LRP12: variants seen among roughly 807,000 people sequenced by gnomAD.
LRP12 encodes the protein low-density lipoprotein receptor-related protein 12.
A neutral mutation model predicts 66.0 loss-of-function variants in LRP12; 14 were observed. The ratio of observed to expected loss-of-function variants is 0.21; its 90% CI spans 0.14 to 0.33. LRP12 has a LOEUF of 0.33. Ranked by LOEUF, LRP12 falls within the 10% of genes least tolerant of loss-of-function variation. The probability of loss-of-function intolerance (pLI) is 1.00; values close to 1 mark genes in which losing one functional copy is unlikely to be tolerated. For missense variants in LRP12, 889 were observed against 1,053.4 expected (o/e 0.84, Z 2.16); for synonymous variants, 357 against 359.1 (o/e 0.99, Z 0.07).
At chr8:104,548,040 TTC>T (rs1229961398) in intron 1 of LRP12, among the ~76,000 whole-genome samples, 7 of 121,956 alleles carry the variant, frequency 5.7e-5, no homozygotes, top group Admixed American at 2.1e-4. Context: ...TAATATATAA[TTC>T]TGTTATATTA....
chr8:104,568,604 GAAAT>G (rs1242082887), intron 1 of LRP12, among the ~76,000 whole-genome samples: 1 of 152,046 alleles, frequency 6.6e-6, no homozygotes, highest in Non-Finnish European at 1.5e-5. Flanking sequence ...AACCAATTAA[GAAAT>G]GGGCAAAAGA....
intron 6 of LRP12, among the ~76,000 whole-genome samples, chr8:104,494,212 T>C (rs1329528567): frequency 6.6e-6 from 1 of 152,190 alleles, no homozygotes; most frequent in Non-Finnish European, 1.5e-5. Context: ...CAACTTAGGT[T>C]TTTCCTACTT....
intron 1 of LRP12, among the ~76,000 whole-genome samples, chr8:104,577,992 T>C (rs1812192104): frequency 6.6e-6 from 1 of 151,542 alleles, no homozygotes; most frequent in East Asian, 1.9e-4. Flanking sequence ...CTAAAAGAAC[T>C]AGAGAACCAA....
In LRP12 at chr8:104,582,380, TA is replaced by T. The variant is rs146844169; in HGVS notation, c.79+6438del. 5.6e-3 allele frequency among the ~76,000 whole-genome samples: 820 copies of T among 147,388 alleles called. 8 individuals carry two copies. Among genetic ancestry groups the T allele is most frequent in the East Asian group, 0.05 (254 of 5,098 alleles). On this transcript the variant is annotated intron_variant, in intron 1 of 6. Transcript: ENST00000276654. ...TTATATCTTCTGTAAAGCTACACAA[TA>T]AAAAAAAAAGATAAAAGCTCAATTT...
At chr8:104,566,372 G>A in intron 1 of LRP12, 1 of 261,126 alleles carries the variant, frequency 3.8e-6, no homozygotes, top group African/African-American at 2.3e-5. Flanking sequence ...ATGACGCAGT[G>A]AAAACCATGG....
At chr8:104,525,920 T>C (rs1477013485) in intron 2 of LRP12, among the ~76,000 whole-genome samples, 4 of 152,196 alleles carry the variant, frequency 2.6e-5, no homozygotes, top group Non-Finnish European at 2.9e-5. Flanking sequence ...CATGATTGTG[T>C]ATCTAGAAAA....
intron 6 of LRP12, among the ~76,000 whole-genome samples, chr8:104,492,874 G>A (rs934904973): frequency 1.3e-5 from 2 of 151,830 alleles, no homozygotes; most frequent in Non-Finnish European, 2.9e-5. Context: ...AAGAAAAAGC[G>A]GTTCACATTT....
chr8:104,564,400 T>C lies in LRP12; in HGVS notation c.79+24419A>G, dbSNP rs569565410. On this transcript the variant is annotated intron_variant, in intron 1 of 6. Transcript: ENST00000276654. ...ATAAGAGCACTTTGAAAAGCAAGGA[T>C]CTAGAGGTCATAAATGAGCTTTTAG... 5.3e-5 allele frequency among the ~76,000 whole-genome samples: 8 copies of C among 152,226 alleles called. No individual in the cohort carries two copies. In the East Asian group the frequency reaches 1.5e-3, roughly 29 times the overall value.
chr8:104,535,293 G>A (rs1395573930), intron 1 of LRP12, among the ~76,000 whole-genome samples: 1 of 151,794 alleles, frequency 6.6e-6, no homozygotes, highest in Non-Finnish European at 1.5e-5. Context: ...TGCTGCTTTA[G>A]GAAAGAAACT....
chr8:104,538,954 G>C (rs1811426890), intron 1 of LRP12, among the ~76,000 whole-genome samples: 1 of 152,066 alleles, frequency 6.6e-6, no homozygotes, highest in Admixed American at 6.6e-5. Context: ...TACTGAAAAA[G>C]CAAACGACAG....
chr8:104,530,309 A>G (rs1811306473), intron 2 of LRP12, among the ~76,000 whole-genome samples: 1 of 152,174 alleles, frequency 6.6e-6, no homozygotes, highest in African/African-American at 2.4e-5. Flanking sequence ...TCCCAATGTG[A>G]CTGTATTTGG....
At chr8:104,504,056 C>T (rs1810869989) in intron 3 of LRP12, among the ~76,000 whole-genome samples, 1 of 152,098 alleles carries the variant, frequency 6.6e-6, no homozygotes. Flanking sequence ...TCAATTTCTT[C>T]AATGGCTACT....
In LRP12 at chr8:104,548,294, T is replaced by TTATATA. The variant is rs1811649004; in HGVS notation, c.80-16332_80-16331insTATATA. Among the ~76,000 whole-genome samples, 5 of 62,528 alleles carry TTATATA rather than the reference T, an allele frequency of 8.0e-5. 1 individual carries two copies. The Admixed American group carries it at 8.8e-4, about 11-fold the overall frequency. 41.0% of individuals were successfully genotyped at this position (62,528 alleles called of 152,430 possible). ...ATATATTATATTAATATATCATATA[T>TTATATA]TTATATAATATATATTATATAAATA... On this transcript the variant is annotated intron_variant, in intron 1 of 6. Coordinates refer to ENST00000276654, the MANE Select transcript of LRP12 (RefSeq NM_013437.5).
chr8:104,572,861 T>A (rs900254017), intron 1 of LRP12, among the ~76,000 whole-genome samples: 1 of 152,142 alleles, frequency 6.6e-6, no homozygotes, highest in Admixed American at 6.5e-5. Flanking sequence ...ATAATTTCTA[T>A]TTATCGTAGC....
In LRP12 at chr8:104,499,664, A is replaced by C. The variant is rs1430399642; in HGVS notation, c.273-145T>G. On this transcript the variant is annotated intron_variant, in intron 3 of 6. Coordinates refer to ENST00000276654, the MANE Select transcript of LRP12 (RefSeq NM_013437.5). ...CTAGGCATACAACCGTATCATTAGC[A>C]AATAATAATACTAATTCTATGTTCC... 5 of 564,422 alleles carry C rather than the reference A, an allele frequency of 8.9e-6. No individual in the cohort carries two copies. The East Asian group carries it at 1.4e-4, about 16-fold the overall frequency. 35.0% of individuals were successfully genotyped at this position (564,422 alleles called of 1,614,324 possible).
Position 104,497,060 on chromosome 8 carries a change from C to T in LRP12, c.1492G>A (p.Val498Ile), listed in dbSNP as rs754942859. 5.1e-5 allele frequency: 82 copies of T among 1,610,398 alleles called. No homozygotes were observed. The Admixed American group carries it at 8.2e-4, about 16-fold the overall frequency. The change falls in exon 5 of 7, where the codon GTC (valine) becomes ATC (isoleucine). Residue 498 changes from valine to isoleucine, a missense_variant. By Grantham distance (29) the Val-to-Ile change is conservative (BLOSUM62 3). This residue lies in a region of LRP12 where 800 missense variants were observed against 964.5 expected (regional missense o/e 0.83). Coordinates refer to ENST00000276654, the MANE Select transcript of LRP12 (RefSeq NM_013437.5). The surrounding 1 kb of genome is among the most constrained non-coding windows in gnomAD (Gnocchi z 4.3). ...IVPTRVITAA[V>I]IGSLICGLLL... Reference sequence around the variant, plus strand: ...AGGCCACAGATGAGGCTCCCTATGACGGCAGCAGTGATGACTCTTGTAGGC... The same window carrying T: ...AGGCCACAGATGAGGCTCCCTATGATGGCAGCAGTGATGACTCTTGTAGGC...
At chr8:104,505,015 G>A (rs886243519) in intron 3 of LRP12, 2 of 151,918 alleles carry the variant, frequency 1.3e-5, no homozygotes, top group Non-Finnish European at 2.9e-5. Flanking sequence ...TTTCTATCTC[G>A]TTTTGTTTTT....
rs1199568046 is a variant in LRP12, at chr8:104,533,631, T to A, written c.80-1668A>T. Among the ~76,000 whole-genome samples, 4 of 152,106 alleles carry A rather than the reference T, an allele frequency of 2.6e-5. No homozygotes were observed. In the East Asian group the frequency reaches 5.8e-4, roughly 22 times the overall value. On this transcript the variant is annotated intron_variant, in intron 1 of 6. Coordinates refer to ENST00000276654, the MANE Select transcript of LRP12 (RefSeq NM_013437.5). ...TTACATAATTTGTGATACTAATGTT[T>A]CCAGTATCTGTAAGATAGCATATTA... is the stretch of plus-strand genomic sequence containing the variant.
chr8:104,574,028 C>T (rs1010415431), intron 1 of LRP12, among the ~76,000 whole-genome samples: 5 of 152,040 alleles, frequency 3.3e-5, no homozygotes, highest in Non-Finnish European at 7.4e-5. Context: ...GTAATTTACT[C>T]CATTTATAGA....
Sources: allele counts gnomAD v4.1 joint callset (sites outside exome capture counted in the v4.1 genomes callset), GRCh38; gene constraint gnomAD v4.1.1; regional missense constraint gnomAD v4.1.1; non-coding constraint Gnocchi (gnomAD v3.1); transcripts MANE v1.5; gene names NCBI Gene and HGNC (gene_info 2026-07-23, HGNC 2026-07-21).